Variants in EFR3A observed in about 807,000 individuals in gnomAD.
EFR3A encodes protein EFR3 homolog A.
EFR3A carries 76 observed loss-of-function variants against 104.4 expected under a neutral mutation model. The observed-to-expected ratio is 0.73, with a 90% CI of 0.60 to 0.88. The LOEUF is 0.88. Ranked by LOEUF, EFR3A falls within the 40% of genes least tolerant of loss-of-function variation. The pLI, the probability that EFR3A is intolerant of heterozygous loss-of-function variation, is 0.00. For missense variants in EFR3A, 985 were observed against 1,012.5 expected, an observed-to-expected ratio of 0.97 and a Z score of 0.37; for synonymous variants, 330 against 330.0, an observed-to-expected ratio of 1.00 and a Z score of 0.00.
intron 7 of EFR3A, among the ~76,000 whole-genome samples, chr8:131,957,502 C>T (rs1422910686): frequency 6.6e-6 from 1 of 152,004 alleles, no homozygotes; most frequent in Non-Finnish European, 1.5e-5. Context: ...AGGCATGCGC[C>T]ACCATGCCTG....
At chr8:131,990,094 G>C (rs1434715364) in intron 18 of EFR3A, among the ~76,000 whole-genome samples, 2 of 152,196 alleles carry the variant, frequency 1.3e-5, no homozygotes, top group South Asian at 2.1e-4. Context: ...GCCAGCTGCT[G>C]TGCAAGCAAA....
intron 1 of EFR3A, among the ~76,000 whole-genome samples, chr8:131,934,377 C>G (rs967520727): frequency 6.6e-6 from 1 of 152,074 alleles, no homozygotes; most frequent in Non-Finnish European, 1.5e-5. Flanking sequence ...GTTCCATGTC[C>G]TTGGTAAAAC....
At chr8:131,957,368 T>TTTTTTTTTTA (rs1819057120) in intron 7 of EFR3A, among the ~76,000 whole-genome samples, 1 of 150,646 alleles carries the variant, frequency 6.6e-6, no homozygotes, top group African/African-American at 2.4e-5. Flanking sequence ...TTTTTTTTTT[T>TTTTTTTTTTA]GAGACAGAGT....
chr8:131,965,843 A>C (rs1819685726), intron 8 of EFR3A, among the ~76,000 whole-genome samples: 2 of 152,086 alleles, frequency 1.3e-5, no homozygotes, highest in Non-Finnish European at 2.9e-5. Flanking sequence ...TGGATTAAGA[A>C]AATGTGGCAC....
chr8:131,975,218 T>A (rs990106725), intron 10 of EFR3A, among the ~76,000 whole-genome samples: 5 of 152,164 alleles, frequency 3.3e-5, no homozygotes, highest in Non-Finnish European at 5.9e-5. Flanking sequence ...AGGGGTAAAC[T>A]ATAAACTTGG....
chr8:131,999,297 G>A (rs12544622), intron 19 of EFR3A, among the ~76,000 whole-genome samples: 9,648 of 152,136 alleles, frequency 0.063, 588 homozygotes, highest in African/African-American at 0.15. Context: ...AATGCAACTG[G>A]AGAAACTTGT....
chr8:131,970,618 G>A lies in EFR3A; in HGVS notation c.1134G>A (p.Val378=). The A allele has an allele frequency of 3.1e-6, 5 of 1,613,700 alleles. No homozygotes were observed. The highest frequency in any genetic ancestry group is 1.3e-5 in the African/African-American group (1 of 75,046). Residue 378 remains valine, a synonymous_variant, in exon 10 of 23, where the codon GTG becomes GTA. Transcript: ENST00000254624. ...CCAAAGACAATGATGAGAAGATTGT[G>A]CAGAATGCTATCATCCAAACAATAG... is the stretch of plus-strand genomic sequence containing the variant. The part of the protein sequence containing the change: ...TSSKDNDEKI[V]QNAIIQTIGF...
intron 17 of EFR3A, among the ~76,000 whole-genome samples, chr8:131,986,469 C>T (rs1185120033): frequency 1.3e-5 from 2 of 152,038 alleles, no homozygotes; most frequent in Non-Finnish European, 2.9e-5. Flanking sequence ...AACATGGAGT[C>T]AATCTTGAAA....
At position 131,940,416 on chromosome 8, in the gene EFR3A, A is replaced by G. The variant is rs538689584; in HGVS notation, c.11-83A>G. On this transcript the variant is annotated intron_variant, in intron 1 of 22. Transcript: ENST00000254624. ...TTGAACTTTGTATTTTATATAGCCCATTAATATTCAGAAACTTGAATTTCC... is the reference window on the plus strand; with the variant it reads ...TTGAACTTTGTATTTTATATAGCCCGTTAATATTCAGAAACTTGAATTTCC... The G allele has an allele frequency of 3.1e-6, 4 of 1,303,394 alleles. No homozygotes were observed. The African/African-American group carries it at 4.5e-5, about 15-fold the overall frequency. The allele number at this position is 1,303,394 out of a possible 1,614,324, so 80.7% of individuals were successfully genotyped here.
At chr8:131,980,864 C>T (rs1305278050) in intron 14 of EFR3A, among the ~76,000 whole-genome samples, 1 of 152,062 alleles carries the variant, frequency 6.6e-6, no homozygotes, top group African/African-American at 2.4e-5. Flanking sequence ...TTCTCTACTT[C>T]TGTGAGTTCA....
intron 8 of EFR3A, among the ~76,000 whole-genome samples, chr8:131,962,723 T>C (rs1819445179): frequency 6.6e-6 from 1 of 152,192 alleles, no homozygotes; most frequent in Non-Finnish European, 1.5e-5. Flanking sequence ...GTGGACCTAA[T>C]AGACATCTAC....
At chr8:132,009,812 A>G (rs1171081668) in intron 22 of EFR3A, among the ~76,000 whole-genome samples, 1 of 152,092 alleles carries the variant, frequency 6.6e-6, no homozygotes, top group Admixed American at 6.6e-5. Flanking sequence ...TAGCATAACT[A>G]AAAAACTAAA....
At chr8:131,931,522 A>G (rs1263733187) in intron 1 of EFR3A, among the ~76,000 whole-genome samples, 1 of 152,060 alleles carries the variant, frequency 6.6e-6, no homozygotes, top group East Asian at 1.9e-4. Flanking sequence ...AGAACTATAT[A>G]TTTTGTTTTC....
At chr8:131,934,979 A>G (rs903078576) in intron 1 of EFR3A, among the ~76,000 whole-genome samples, 2 of 152,142 alleles carry the variant, frequency 1.3e-5, no homozygotes, top group Non-Finnish European at 2.9e-5. Context: ...GAGGGAATAT[A>G]TGTGAGGCAG....
intron 1 of EFR3A, among the ~76,000 whole-genome samples, chr8:131,912,227 G>A (rs12678949): frequency 0.4 from 61,125 of 152,040 alleles, 12,839 homozygotes; most frequent in Middle Eastern, 0.54. Context: ...TCTGAATCCT[G>A]GGTGGGTGTG....
chr8:131,975,078 A>T (rs1216520903), intron 10 of EFR3A, among the ~76,000 whole-genome samples: 1 of 152,224 alleles, frequency 6.6e-6, no homozygotes, highest in Non-Finnish European at 1.5e-5. Flanking sequence ...GTGACCAGGA[A>T]GTAAGTATCA....
intron 1 of EFR3A, among the ~76,000 whole-genome samples, chr8:131,925,792 A>G (rs561064539): frequency 3.3e-5 from 5 of 152,226 alleles, no homozygotes; most frequent in South Asian, 2.1e-4. Flanking sequence ...AAGATCTTCT[A>G]CCTGTACTTT....
intron 2 of EFR3A, 163 bp downstream of exon 2, chr8:131,940,738 C>T: frequency 1.7e-6 from 2 of 1,185,838 alleles, no homozygotes; most frequent in Non-Finnish European, 2.2e-6. Context: ...TTAAATGACC[C>T]ATGCTTGCTT....
chr8:131,976,095 C>T lies in EFR3A; in HGVS notation c.1228C>T (p.Pro410Ser). 1 of 1,606,066 alleles carries T rather than the reference C, an allele frequency of 6.2e-7. No individual in the cohort carries two copies. Among genetic ancestry groups the T allele is most frequent in the Non-Finnish European group, 8.5e-7 (1 of 1,175,684 alleles). Residue 410 changes from proline to serine, a missense_variant, in exon 11 of 23, where the codon CCT (proline) becomes TCT (serine). Pro to Ser is a moderately conservative substitution (Grantham distance 74). Coordinates refer to ENST00000254624, the MANE Select transcript of EFR3A (RefSeq NM_015137.6). Reference sequence around the variant, plus strand: ...CATGATGTTCATTATGGGGAAAGTACCTGTCTTTGGAACATCTACCCATAC... The same window carrying T: ...CATGATGTTCATTATGGGGAAAGTATCTGTCTTTGGAACATCTACCCATAC... ...EIMMFIMGKVPVFGTSTHTLD... is the reference protein window; with the variant it reads ...EIMMFIMGKVSVFGTSTHTLD...
Sources: allele counts gnomAD v4.1 joint callset (sites outside exome capture counted in the v4.1 genomes callset), GRCh38; gene constraint gnomAD v4.1.1; transcripts MANE v1.5; gene names NCBI Gene and HGNC (gene_info 2026-07-23, HGNC 2026-07-21).